Variants in NANS observed in about 807,000 individuals in gnomAD.
NANS encodes N-acetylneuraminate-9-phosphate synthase.
A neutral mutation model predicts 33.3 loss-of-function variants in NANS; 29 were observed. The ratio of observed to expected loss-of-function variants is 0.87; its 90% CI spans 0.65 to 1.19. The LOEUF (loss-of-function observed/expected upper bound fraction) is 1.19. Ranked by LOEUF, NANS falls within the 50% of genes most tolerant of loss-of-function variation. The pLI is 0.00. For synonymous variants in NANS, 163 were observed against 177.2 expected, an observed-to-expected ratio of 0.92 and a Z score of 0.64; for missense variants, 394 against 461.1, an observed-to-expected ratio of 0.85 and a Z score of 1.33.
rs1829820595 is a variant in NANS at position 98,080,835 on chromosome 9, C to T, written c.623C>T (p.Pro208Leu). 1.9e-6 allele frequency: 3 copies of T among 1,584,258 alleles called. No homozygotes were observed. Among genetic ancestry groups the T allele is most frequent in the South Asian group, 1.1e-5 (1 of 88,576 alleles). Residue 208 changes from proline to leucine, a missense_variant, in exon 5 of 6, where the codon CCT (proline) becomes CTT (leucine). Coordinates refer to ENST00000210444, the MANE Select transcript of NANS (RefSeq NM_018946.4). ...RVISEYQKLF[P>L]DIPIGYSGHE... Reference sequence around the variant, plus strand: ...TTAAAGGAATATCAGAAGCTCTTTCCTGACATTCCCATAGGGTATTCTGGG... The same window carrying T: ...TTAAAGGAATATCAGAAGCTCTTTCTTGACATTCCCATAGGGTATTCTGGG...
In NANS at chr9:98,056,892, C is replaced by A. The variant is rs1440756557; in HGVS notation, c.84C>A (p.Asn28Lys). 1 of 1,611,074 alleles carries A rather than the reference C, an allele frequency of 6.2e-7. No individual in the cohort carries two copies. The highest frequency in any genetic ancestry group is 1.1e-5 in the South Asian group (1 of 90,960). The change falls in exon 1 of 6, where the codon AAC (asparagine) becomes AAA (lysine). Residue 28 changes from asparagine to lysine, a missense_variant. Physicochemically the swap from Asn to Lys is moderately conservative, Grantham distance 94 (BLOSUM62 0). Transcript: ENST00000210444. Reference protein sequence around the residue: ...PCFIIAEIGQNHQGDLDVAKR... With the variant: ...PCFIIAEIGQKHQGDLDVAKR... ...TCATCATTGCCGAGATCGGCCAGAACCACCAGGGCGACCTGGACGTAGCCA... is the reference window on the plus strand; with the variant it reads ...TCATCATTGCCGAGATCGGCCAGAAACACCAGGGCGACCTGGACGTAGCCA...
chr9:98,067,334 C>G (rs984371843), intron 2 of NANS, among the ~76,000 whole-genome samples: 1 of 152,212 alleles, frequency 6.6e-6, no homozygotes, highest in African/African-American at 2.4e-5. Flanking sequence ...AACTGCCAGA[C>G]TGCTTGCCAA....
At chr9:98,072,413 AT>A (rs1004255694) in intron 2 of NANS, among the ~76,000 whole-genome samples, 1,604 of 132,074 alleles carry the variant, frequency 0.012, 14 homozygotes, top group African/African-American at 0.034. Context: ...GGGAAAGTGC[AT>A]TTTTTTTTTT....
At chr9:98,057,434 T>C (rs1051658306) in intron 1 of NANS, among the ~76,000 whole-genome samples, 5 of 152,200 alleles carry the variant, frequency 3.3e-5, no homozygotes, top group African/African-American at 1.2e-4. Context: ...ATATGAAATA[T>C]GAAGTGGTTA....
At position 98,056,932 on chromosome 9, in the gene NANS, A is replaced by G. The variant is rs1408701618; in HGVS notation, c.124A>G (p.Met42Val). ...GGACGTAGCCAAGCGCATGATCCGC[A>G]TGGCCAAGGTGAGGCGGCAGCTCCC... ...DLDVAKRMIR[M>V]AKECGADCAK... The change falls in exon 1 of 6, where the codon ATG becomes GTG. Residue 42 changes from methionine to valine, a missense_variant. Physicochemically the swap from Met to Val is conservative, Grantham distance 21. Transcript: ENST00000210444. 32 of 1,598,104 alleles carry G rather than the reference A, an allele frequency of 2.0e-5. No homozygotes were observed. Among genetic ancestry groups the G allele is most frequent in the Non-Finnish European group, 2.6e-5 (30 of 1,172,806 alleles).
chr9:98,063,170 C>T (rs186059982), intron 2 of NANS, among the ~76,000 whole-genome samples: 33 of 152,026 alleles, frequency 2.2e-4, no homozygotes, highest in Admixed American at 1.0e-3. Flanking sequence ...TCAGCCCATC[C>T]GCCCGCCCCA....
chr9:98,076,948 G>C lies in NANS; in HGVS notation c.379G>C (p.Val127Leu). 3.1e-6 allele frequency: 5 copies of C among 1,612,126 alleles called. No homozygotes were observed. The highest frequency in any genetic ancestry group is 4.2e-6 in the Non-Finnish European group (5 of 1,179,460). Residue 127 changes from valine to leucine, a missense_variant, in exon 3 of 6, where the codon GTT becomes CTT. Coordinates refer to ENST00000210444, the MANE Select transcript of NANS (RefSeq NM_018946.4). ...AGTTGAATTCCTGCATGAACTGAAT[G>C]TTCCATTTTTCAAAGTTGGATCTGG... ...MAVEFLHELN[V>L]PFFKVGSGDT...
At chr9:98,082,775 G>A (rs764407207) in intron 5 of NANS, 71 bp from the exon 6 acceptor site, 9 of 1,451,790 alleles carry the variant, frequency 6.2e-6, no homozygotes, top group African/African-American at 1.4e-5. Context: ...CAGGGACCTT[G>A]AGTGTAAAGT....
rs1304735822 is a variant in NANS, at chr9:98,065,360, TGG to T, written c.348+4364_348+4365del. Among the ~76,000 whole-genome samples, 18 of 139,810 alleles carry T rather than the reference TGG, an allele frequency of 1.3e-4. 1 individual carries two copies. Among genetic ancestry groups the T allele is most frequent in the African/African-American group, 4.9e-4 (17 of 34,856 alleles). 91.7% of individuals were successfully genotyped at this position (139,810 alleles called of 152,430 possible). The stretch of plus-strand genomic sequence containing the variant: ...AGAGTTTCGTTATTGTTGCCCAGGC[TGG>T]AGTGCAATCAATGGTGCAATCTCGG... On this transcript the variant is annotated intron_variant, in intron 2 of 5. Coordinates refer to ENST00000210444, the MANE Select transcript of NANS (RefSeq NM_018946.4).
chr9:98,078,163 T>G, intron 3 of NANS, 30 bp from the exon 4 acceptor site: 1 of 1,614,042 alleles, frequency 6.2e-7, no homozygotes, highest in Non-Finnish European at 8.5e-7. Flanking sequence ...AAAGAGAAAG[T>G]GCTGATGGTG....
intron 3 of NANS, 56 bp downstream of exon 3, chr9:98,077,073 A>G (rs539364125): frequency 1.5e-6 from 2 of 1,335,764 alleles, no homozygotes; most frequent in East Asian, 4.7e-5. Flanking sequence ...TCATATTTTT[A>G]CTCCCCTCAT....
intron 2 of NANS, among the ~76,000 whole-genome samples, chr9:98,073,242 C>A (rs1339166477): frequency 6.7e-6 from 1 of 148,150 alleles, no homozygotes; most frequent in Non-Finnish European, 1.5e-5. Context: ...TCCCCTGACT[C>A]CCTGTTCTCC....
chr9:98,074,049 G>A (rs913207739), intron 2 of NANS, among the ~76,000 whole-genome samples: 2 of 152,192 alleles, frequency 1.3e-5, no homozygotes, highest in Non-Finnish European at 2.9e-5. Context: ...GCCTCCCAAA[G>A]TGCTGGGATT....
chr9:98,072,118 T>G (rs975582436), intron 2 of NANS, among the ~76,000 whole-genome samples: 3 of 152,202 alleles, frequency 2.0e-5, no homozygotes, highest in Non-Finnish European at 4.4e-5. Context: ...GCTCACACTC[T>G]GTGTGGCTTG....
At chr9:98,079,963 C>G (rs889906576) in intron 4 of NANS, among the ~76,000 whole-genome samples, 3 of 152,224 alleles carry the variant, frequency 2.0e-5, no homozygotes, top group Admixed American at 6.5e-5. Context: ...CCAGTAGTCC[C>G]AGCACTTTGG....
rs778876612 is a variant in NANS at position 98,060,926 on chromosome 9, G to A, written c.277G>A (p.Asp93Asn). Residue 93 changes from aspartate to asparagine, a missense_variant, in exon 2 of 6, where the codon GAC becomes AAC. Transcript: ENST00000210444. ...EHKRHLEFSH[D>N]QYRELQRYAE... ...CAAACGACATCTGGAGTTCAGCCATGACCAGTACAGGGAGCTGCAGAGGTA... is the reference window on the plus strand; with the variant it reads ...CAAACGACATCTGGAGTTCAGCCATAACCAGTACAGGGAGCTGCAGAGGTA... The A allele has an allele frequency of 3.7e-6, 6 of 1,614,108 alleles. No homozygotes were observed. In the African/African-American group the frequency reaches 8.0e-5, roughly 22 times the overall value.
chr9:98,078,403 G>A, intron 4 of NANS, 56 bp downstream of exon 4: 2 of 1,564,248 alleles, frequency 1.3e-6, no homozygotes, highest in Non-Finnish European at 8.7e-7. Flanking sequence ...GGAAGGCGTA[G>A]TCTTTTTTAT....
chr9:98,063,016 A>C (rs1045656258), intron 2 of NANS, among the ~76,000 whole-genome samples: 2 of 151,610 alleles, frequency 1.3e-5, no homozygotes, highest in African/African-American at 4.9e-5. Context: ...GGCTCGCTGC[A>C]ACCCCCGCCT....
At chr9:98,075,868 A>G (rs936819787) in intron 2 of NANS, 4 of 152,198 alleles carry the variant, frequency 2.6e-5, no homozygotes, top group Non-Finnish European at 4.4e-5. Context: ...AATGATAATA[A>G]AAAGTTTTTG....
Sources: allele counts gnomAD v4.1 joint callset (sites outside exome capture counted in the v4.1 genomes callset), GRCh38; gene constraint gnomAD v4.1.1; transcripts MANE v1.5; gene names NCBI Gene and HGNC (gene_info 2026-07-23, HGNC 2026-07-21).